Variants in CD244 observed in about 807,000 individuals in gnomAD.
CD244 encodes natural killer cell receptor 2B4.
CD244 carries 20 observed loss-of-function variants against 45.5 expected under a neutral mutation model. The observed-to-expected ratio is 0.44, with a 90% CI of 0.31 to 0.64. The LOEUF (loss-of-function observed/expected upper bound fraction) is 0.64, where lower values mean the gene tolerates loss of function less well. CD244 is among the 30% of genes least tolerant of loss of function. The pLI is 0.08. For missense variants in CD244, 407 were observed against 426.9 expected, an observed-to-expected ratio of 0.95 and a Z score of 0.41; for synonymous variants, 185 against 160.5, an observed-to-expected ratio of 1.15 and a Z score of -1.15.
chr1:160,836,894 G>T (rs1037242999), intron 5 of CD244, among the ~76,000 whole-genome samples: 1 of 152,208 alleles, frequency 6.6e-6, no homozygotes, highest in African/African-American at 2.4e-5. Context: ...ATTAGGCAAG[G>T]TGCAAGCAAA....
chr1:160,847,021 C>T (rs1669762367), intron 1 of CD244, among the ~76,000 whole-genome samples: 1 of 151,404 alleles, frequency 6.6e-6, no homozygotes, highest in South Asian at 2.1e-4. Flanking sequence ...CAAAAAGATG[C>T]AGCACAAAAA....
intron 6 of CD244, among the ~76,000 whole-genome samples, chr1:160,835,892 C>G (rs545276165): frequency 1.3e-5 from 2 of 152,280 alleles, no homozygotes; most frequent in Admixed American, 1.3e-4. Flanking sequence ...AGCAGCAGGG[C>G]AAGAAAGCAG....
chr1:160,862,737 C>T lies in CD244; in HGVS notation c.-60G>A, dbSNP rs368378136. On this transcript the variant is annotated 5_prime_UTR_variant, in exon 1 of 9. It adds an upstream start codon to the 5' untranslated region. Transcript: ENST00000368034. ...ACCCCACCAGACTCTCTGCCGTGCA[C>T]GGGCTCAGCAGTCCCCAGTCAGCAA... 5.9e-5 allele frequency: 90 copies of T among 1,513,004 alleles called. No homozygotes were observed. Among genetic ancestry groups the T allele is most frequent in the Non-Finnish European group, 6.5e-5 (71 of 1,094,676 alleles). The allele number at this position is 1,513,004 out of a possible 1,614,324, so 93.7% of individuals were successfully genotyped here.
At position 160,831,152 on chromosome 1, in the gene CD244, A is replaced by T; in HGVS notation, c.*195T>A. 1 of 528,658 alleles carries T rather than the reference A, an allele frequency of 1.9e-6. No homozygotes were observed. The highest frequency in any genetic ancestry group is 1.9e-5 in the African/African-American group (1 of 52,986). 32.7% of individuals were successfully genotyped at this position (528,658 alleles called of 1,614,324 possible). On this transcript the variant is annotated 3_prime_UTR_variant, in exon 9 of 9. Transcript: ENST00000368034. ...CATTCATGTCTGATCTGTAAATTGG[A>T]AGATATTATTTAACAGCCTTGCTCT...
chr1:160,831,417 C>T lies in CD244; in HGVS notation c.1028G>A (p.Ser343Asn), dbSNP rs1571080635. The change falls in exon 9 of 9, where the codon AGT becomes AAT. Residue 343 changes from serine to asparagine, a missense_variant. Physicochemically the swap from Ser to Asn is conservative, Grantham distance 46. Transcript: ENST00000368034. ...NSTIYEVIGK[S>N]QPKAQNPARL... Reference sequence around the variant, plus strand: ...AGCAGGGTTCTGGGCTTTAGGTTGACTCTTTCCAATCTGCAAAAGAAAAGG... The same window carrying T: ...AGCAGGGTTCTGGGCTTTAGGTTGATTCTTTCCAATCTGCAAAAGAAAAGG... The T allele has an allele frequency of 6.2e-7, 1 of 1,613,742 alleles. No individual in the cohort carries two copies. Among genetic ancestry groups the T allele is most frequent in the Non-Finnish European group, 8.5e-7 (1 of 1,179,628 alleles).
chr1:160,844,191 G>A (rs1356144691), intron 1 of CD244, among the ~76,000 whole-genome samples: 1 of 152,150 alleles, frequency 6.6e-6, no homozygotes, highest in East Asian at 1.9e-4. Context: ...TTCCTAGAAT[G>A]TTTCATACAC....
chr1:160,833,093 G>A (rs917759857), intron 7 of CD244, among the ~76,000 whole-genome samples: 2 of 151,738 alleles, frequency 1.3e-5, no homozygotes, highest in African/African-American at 4.8e-5. Flanking sequence ...ATAAATAATT[G>A]CCAACCCAAG....
intron 7 of CD244, among the ~76,000 whole-genome samples, chr1:160,833,137 A>C (rs1669197683): frequency 6.6e-6 from 1 of 152,142 alleles, no homozygotes; most frequent in Non-Finnish European, 1.5e-5. Context: ...TCAGTAGCAT[A>C]TAGAGTTTAC....
intron 1 of CD244, among the ~76,000 whole-genome samples, chr1:160,850,023 T>A (rs1669868252): frequency 6.6e-6 from 1 of 151,760 alleles, no homozygotes; most frequent in South Asian, 2.1e-4. Context: ...AAAAAAAAAA[T>A]GAATATGTGA....
At chr1:160,842,815 T>G (rs140998553) in intron 1 of CD244, among the ~76,000 whole-genome samples, 40 of 152,286 alleles carry the variant, frequency 2.6e-4, no homozygotes, top group Middle Eastern at 6.8e-3. Context: ...TGAAACCTAA[T>G]GAATATGGGG....
At chr1:160,855,705 C>T (rs751616279) in intron 1 of CD244, among the ~76,000 whole-genome samples, 1 of 152,230 alleles carries the variant, frequency 6.6e-6, no homozygotes, top group Non-Finnish European at 1.5e-5. Flanking sequence ...CCTGCCACTG[C>T]TGTTGCTACT....
At chr1:160,832,931 C>G (rs1340778400) in intron 7 of CD244, among the ~76,000 whole-genome samples, 1 of 150,822 alleles carries the variant, frequency 6.6e-6, no homozygotes, top group Non-Finnish European at 1.5e-5. Context: ...TATATACACA[C>G]ACACATTCCC....
chr1:160,841,714 G>A lies in CD244; in HGVS notation c.249C>T (p.Phe83=). ...SLPSNTSNDR[F]SFIVKNLSLL... is the part of the protein sequence containing the mutation. ...GACTCAAGTTCTTGACTATAAAACT[G>A]AATCTATCATTGGAAGTATTGGAAG... is the stretch of plus-strand genomic sequence containing the variant. Residue 83 remains phenylalanine, a synonymous_variant, in exon 2 of 9, where the codon TTC becomes TTT. Transcript: ENST00000368034. 1 of 1,614,158 alleles carries A rather than the reference G, an allele frequency of 6.2e-7. No homozygotes were observed. The highest frequency in any genetic ancestry group is 8.5e-7 in the Non-Finnish European group (1 of 1,180,026).
chr1:160,862,391 A>C (rs531582436), intron 1 of CD244, among the ~76,000 whole-genome samples: 1 of 152,298 alleles, frequency 6.6e-6, no homozygotes, highest in Non-Finnish European at 1.5e-5. Context: ...CTCACCCAAG[A>C]CTTCCTGGAT....
At chr1:160,857,807 G>A (rs549634620) in intron 1 of CD244, among the ~76,000 whole-genome samples, 1 of 152,302 alleles carries the variant, frequency 6.6e-6, no homozygotes, top group African/African-American at 2.4e-5. Flanking sequence ...AGTAATTTGG[G>A]AGGCCAAGGC....
At chr1:160,851,820 G>A (rs1669929616) in intron 1 of CD244, among the ~76,000 whole-genome samples, 1 of 152,128 alleles carries the variant, frequency 6.6e-6, no homozygotes, top group Non-Finnish European at 1.5e-5. Context: ...TGAGATTACA[G>A]GCATGAGCCA....
At chr1:160,835,057 CAG>C (rs1307744554) in intron 6 of CD244, among the ~76,000 whole-genome samples, 2 of 152,196 alleles carry the variant, frequency 1.3e-5, no homozygotes, top group Non-Finnish European at 2.9e-5. Flanking sequence ...CTTTGCCCCA[CAG>C]CTCAGCCACC....
chr1:160,847,011 C>A (rs1669762020), intron 1 of CD244, among the ~76,000 whole-genome samples: 1 of 151,250 alleles, frequency 6.6e-6, no homozygotes, highest in South Asian at 2.1e-4. Context: ...AGAAGGGAAT[C>A]AAAAAGATGC....
intron 1 of CD244, among the ~76,000 whole-genome samples, chr1:160,855,308 G>A (rs1420676761): frequency 6.6e-6 from 1 of 152,162 alleles, no homozygotes; most frequent in East Asian, 1.9e-4. Flanking sequence ...AGTCCAGCTG[G>A]GGTTGGAGAT....
Sources: allele counts gnomAD v4.1 joint callset (sites outside exome capture counted in the v4.1 genomes callset), GRCh38; gene constraint gnomAD v4.1.1; transcripts MANE v1.5; gene names NCBI Gene and HGNC (gene_info 2026-07-23, HGNC 2026-07-21).